The following PRICKLE2 variants were observed in gnomAD, a reference collection of about 807,000 sequenced individuals.
PRICKLE2 encodes the protein prickle planar cell polarity protein 2, also known as prickle-like protein 2.
PRICKLE2 carries 21 observed loss-of-function variants against 81.4 expected under a neutral mutation model. The ratio of observed to expected loss-of-function variants is 0.26; its 90% CI spans 0.18 to 0.37. PRICKLE2 has a LOEUF of 0.37. Ranked by LOEUF, PRICKLE2 falls within the 10% of genes least tolerant of loss-of-function variation. PRICKLE2 has a pLI of 1.00. For synonymous variants in PRICKLE2, 456 were observed against 421.5 expected, an observed-to-expected ratio of 1.08 and a Z score of -1.00; for missense variants, 940 against 1,109.0, an observed-to-expected ratio of 0.85 and a Z score of 2.16.
At chr3:64,131,122 G>A (rs1387541059) in intron 7 of PRICKLE2, among the ~76,000 whole-genome samples, 1 of 152,232 alleles carries the variant, frequency 6.6e-6, no homozygotes, top group Non-Finnish European at 1.5e-5. Context: ...GTAAGGCTGA[G>A]CCTTGGTCCC....
intron 1 of PRICKLE2, among the ~76,000 whole-genome samples, chr3:64,213,073 TG>T (rs1207629092): frequency 4.1e-4 from 61 of 147,146 alleles, no homozygotes; most frequent in African/African-American, 1.6e-3. Context: ...GACTGTTTTT[TG>T]TTCTTTTTTT....
At chr3:64,215,503 T>C (rs1001947785) in intron 1 of PRICKLE2, among the ~76,000 whole-genome samples, 6 of 152,346 alleles carry the variant, frequency 3.9e-5, no homozygotes, top group Non-Finnish European at 5.9e-5. Context: ...ATTCAATAAG[T>C]AGCTCTTTGA....
At chr3:64,200,192 T>C (rs1575657787) in intron 1 of PRICKLE2, 2 of 152,362 alleles carry the variant, frequency 1.3e-5, no homozygotes, top group East Asian at 3.9e-4. Context: ...TTGCCTATTT[T>C]GGACATTTCA....
At chr3:64,120,256 G>A (rs2077004541) in intron 7 of PRICKLE2, among the ~76,000 whole-genome samples, 1 of 152,148 alleles carries the variant, frequency 6.6e-6, no homozygotes. Flanking sequence ...AGAAGCTATG[G>A]AATAAAGGTC....
At position 64,178,189 on chromosome 3, in the gene PRICKLE2, C is replaced by T. The variant is rs185531621; in HGVS notation, c.145-15060G>A. Among the ~76,000 whole-genome samples the T allele has an allele frequency of 3.9e-5, 6 of 152,222 alleles. No homozygotes were observed. In the East Asian group the frequency reaches 5.8e-4, roughly 15 times the overall value. Reference sequence around the variant, plus strand: ...TCTTTTCATGTGCTTATCAGCCGACCGTATATTGTCTTTGGAGAGATGTTG... The same window carrying T: ...TCTTTTCATGTGCTTATCAGCCGACTGTATATTGTCTTTGGAGAGATGTTG... On this transcript the variant is annotated intron_variant, in intron 2 of 7. Transcript: ENST00000638394.
Position 64,147,071 on chromosome 3 carries a change from G to A in PRICKLE2, c.1419C>T (p.Tyr473=), listed in dbSNP as rs748120404. Residue 473 remains tyrosine (Y), a synonymous_variant, in exon 7 of 8, where the codon TAC becomes TAT. Transcript: ENST00000638394. This position sits in a 1 kb window ranked among gnomAD's most constrained non-coding sequence, Gnocchi z 5.0. The stretch of plus-strand genomic sequence containing the variant: ...TCTCCTGAGATCTCAGCCTCCCCGG[G>A]TAATAGTCTTCTCGGCATTCCTTGA... ...SFIKECREDY[Y]PGRLRSQESY... The A allele has an allele frequency of 1.2e-6, 2 of 1,614,108 alleles. No homozygotes were observed. The highest frequency in any genetic ancestry group is 1.1e-5 in the South Asian group (1 of 91,074).
intron 7 of PRICKLE2, among the ~76,000 whole-genome samples, chr3:64,115,091 G>T (rs183444758): frequency 6.6e-6 from 1 of 152,042 alleles, no homozygotes; most frequent in African/African-American, 2.4e-5. Flanking sequence ...TTTCATATCC[G>T]GCCAAACTAA....
chr3:64,247,703 T>C (rs1173242981), intron 2 of PRICKLE2, among the ~76,000 whole-genome samples: 1 of 152,214 alleles, frequency 6.6e-6, no homozygotes, highest in Non-Finnish European at 1.5e-5. Flanking sequence ...CTATGACATA[T>C]GAGAAAGTTA....
intron 7 of PRICKLE2, among the ~76,000 whole-genome samples, chr3:64,126,082 T>A (rs1192466296): frequency 6.6e-6 from 1 of 152,188 alleles, no homozygotes; most frequent in Non-Finnish European, 1.5e-5. Context: ...TTCTGTAGTT[T>A]GTAATTTTTT....
At chr3:64,160,380 A>T (rs143941592) in intron 3 of PRICKLE2, among the ~76,000 whole-genome samples, 1 of 152,152 alleles carries the variant, frequency 6.6e-6, no homozygotes, top group Non-Finnish European at 1.5e-5. Flanking sequence ...CCATGTTAAG[A>T]TCAAATCATC....
chr3:64,246,606 C>T (rs950230757), intron 2 of PRICKLE2, among the ~76,000 whole-genome samples: 2 of 152,156 alleles, frequency 1.3e-5, no homozygotes, highest in African/African-American at 4.8e-5. Flanking sequence ...GTGGACCAAA[C>T]CCCAATGTGT....
intron 2 of PRICKLE2, among the ~76,000 whole-genome samples, chr3:64,245,001 C>A (rs1263774359): frequency 6.6e-6 from 1 of 152,056 alleles, no homozygotes; most frequent in African/African-American, 2.4e-5. Context: ...AACATCGCTA[C>A]CAATCTAAAG....
At chr3:64,122,718 G>A (rs2077045125) in intron 7 of PRICKLE2, among the ~76,000 whole-genome samples, 1 of 152,132 alleles carries the variant, frequency 6.6e-6, no homozygotes, top group South Asian at 2.1e-4. Flanking sequence ...GGCTTTCCAG[G>A]ACAATTTGTG....
In PRICKLE2 at chr3:64,177,973, G is replaced by A. The variant is rs575044071; in HGVS notation, c.145-14844C>T. 2.6e-5 allele frequency among the ~76,000 whole-genome samples: 4 copies of A among 152,288 alleles called. No individual in the cohort carries two copies. In the East Asian group the frequency reaches 5.8e-4, roughly 22 times the overall value. On this transcript the variant is annotated intron_variant, in intron 2 of 7. Transcript: ENST00000638394. The stretch of plus-strand genomic sequence containing the variant: ...ATTCTGTTTAGCTTTTAGAGAAACT[G>A]CCAAACAGTGCTCCAAAGTGGCTGC...
At chr3:64,263,690 A>G (rs966639925) in intron 2 of PRICKLE2, among the ~76,000 whole-genome samples, 1 of 152,184 alleles carries the variant, frequency 6.6e-6, no homozygotes, top group Admixed American at 6.5e-5. Flanking sequence ...TGGAGGCAAG[A>G]AAGTGGCACC....
chr3:64,225,226 T>C lies in PRICKLE2; in HGVS notation c.-357A>G. ...TCTTCCTCTAGATCAGCCTGAGTGC[T>C]CAGATCGCCTTCCGGAGGACCCCCA... On this transcript the variant is annotated 5_prime_UTR_variant, in exon 1 of 8. Transcript: ENST00000638394. 5.1e-6 allele frequency: 5 copies of C among 985,420 alleles called. No individual in the cohort carries two copies. The highest frequency in any genetic ancestry group is 6.0e-6 in the Non-Finnish European group (5 of 830,004). 61.0% of individuals were successfully genotyped at this position (985,420 alleles called of 1,614,324 possible).
At chr3:64,156,472 GA>G (rs1401541046) in intron 5 of PRICKLE2, among the ~76,000 whole-genome samples, 5 of 152,160 alleles carry the variant, frequency 3.3e-5, no homozygotes. Context: ...GTCAGATTTA[GA>G]ACATTCTTTT....
intron 1 of PRICKLE2, chr3:64,199,997 C>A (rs1278850872): frequency 6.6e-6 from 1 of 152,170 alleles, no homozygotes; most frequent in African/African-American, 2.4e-5. Context: ...AATGTACAAA[C>A]CATAAAACTC....
chr3:64,213,325 C>T (rs140752017), intron 1 of PRICKLE2, among the ~76,000 whole-genome samples: 1,753 of 152,200 alleles, frequency 0.012, 36 homozygotes, highest in African/African-American at 0.039. Flanking sequence ...GTAATCCACC[C>T]GCCTTGGCCT....
Sources: allele counts gnomAD v4.1 joint callset (sites outside exome capture counted in the v4.1 genomes callset), GRCh38; gene constraint gnomAD v4.1.1; non-coding constraint Gnocchi (gnomAD v3.1); transcripts MANE v1.5; gene names NCBI Gene and HGNC (gene_info 2026-07-23, HGNC 2026-07-21).